ROBO1: variants seen among roughly 807,000 people sequenced by gnomAD.
The protein encoded by ROBO1 is roundabout homolog 1.
Under a neutral mutation model 195.9 loss-of-function variants are expected in ROBO1, and 149 were observed. The ratio of observed to expected loss-of-function variants is 0.76; its 90% confidence interval spans 0.67 to 0.87. The LOEUF (loss-of-function observed/expected upper bound fraction) is 0.87, where lower values mean the gene tolerates loss of function less well. Ranked by LOEUF, ROBO1 falls within the 40% of genes least tolerant of loss-of-function variation. The pLI is 0.00. For synonymous variants in ROBO1, 816 were observed against 733.2 expected, an observed-to-expected ratio of 1.11 and a Z score of -1.82; for missense variants, 1,933 against 2,068.3, an observed-to-expected ratio of 0.93 and a Z score of 1.27.
At chr3:78,996,181 T>C (rs2077360448) in intron 3 of ROBO1, among the ~76,000 whole-genome samples, 1 of 151,966 alleles carries the variant, frequency 6.6e-6, no homozygotes, top group Admixed American at 6.6e-5. Flanking sequence ...TCTTGGGTGA[T>C]GACTTCTCAA....
chr3:79,199,124 C>A (rs748421661), intron 2 of ROBO1, among the ~76,000 whole-genome samples: 24 of 151,776 alleles, frequency 1.6e-4, no homozygotes, highest in Non-Finnish European at 1.6e-4. Flanking sequence ...ATATACCTAT[C>A]TTTTACATAG....
chr3:79,750,070 G>A (rs956780973), intron 1 of ROBO1, among the ~76,000 whole-genome samples: 10 of 152,234 alleles, frequency 6.6e-5, no homozygotes, highest in Non-Finnish European at 1.0e-4. Flanking sequence ...AGGCACAGGG[G>A]TGGAGCTGCC....
At chr3:78,947,585 T>C (rs1031358004) in intron 3 of ROBO1, among the ~76,000 whole-genome samples, 4 of 152,072 alleles carry the variant, frequency 2.6e-5, no homozygotes, top group Admixed American at 6.6e-5. Context: ...AGATCTAAAA[T>C]TGACACCCTA....
intron 2 of ROBO1, among the ~76,000 whole-genome samples, chr3:79,226,786 G>A (rs1475697828): frequency 1.3e-5 from 2 of 151,918 alleles, no homozygotes; most frequent in East Asian, 1.9e-4. Context: ...AACTCAAGCA[G>A]TCCTCCCACC....
chr3:79,349,905 T>C (rs1320537175), intron 2 of ROBO1, among the ~76,000 whole-genome samples: 1 of 152,134 alleles, frequency 6.6e-6, no homozygotes, highest in East Asian at 1.9e-4. Flanking sequence ...GATTCCTATA[T>C]ATGACACGAA....
Position 79,107,340 on chromosome 3 carries a change from A to G in ROBO1, c.172+18116T>C, listed in dbSNP as rs572391716. Among the ~76,000 whole-genome samples, 21 of 151,990 alleles carry G rather than the reference A, an allele frequency of 1.4e-4. No individual in the cohort carries two copies. The South Asian group carries it at 4.3e-3, about 31-fold the overall frequency. On this transcript the variant is annotated intron_variant, in intron 3 of 30. Coordinates refer to ENST00000464233, the MANE Select transcript of ROBO1 (RefSeq NM_002941.4). The stretch of plus-strand genomic sequence containing the variant: ...GATGCGTTTCATATCATTTTATCAC[A>G]CAAGGATTATCTGATAAATTGTGTT...
At chr3:79,487,428 G>C (rs1241311419) in intron 2 of ROBO1, among the ~76,000 whole-genome samples, 1 of 152,104 alleles carries the variant, frequency 6.6e-6, no homozygotes, top group Non-Finnish European at 1.5e-5. Flanking sequence ...TGTTGGTCAG[G>C]CTGGTCTTCA....
intron 2 of ROBO1, among the ~76,000 whole-genome samples, chr3:79,350,225 G>T (rs145249533): frequency 4.7e-4 from 72 of 152,270 alleles, no homozygotes; most frequent in Non-Finnish European, 7.4e-4. Context: ...TCAAGGAAAT[G>T]CAAAGCAAAA....
chr3:78,739,733 T>C (rs1056617999), intron 5 of ROBO1, among the ~76,000 whole-genome samples: 8 of 152,192 alleles, frequency 5.3e-5, no homozygotes, highest in Admixed American at 4.6e-4. Context: ...TAGATTTCAA[T>C]ACTGAACATA....
intron 1 of ROBO1, among the ~76,000 whole-genome samples, chr3:79,757,551 C>T (rs1704474431): frequency 6.7e-6 from 1 of 149,888 alleles, no homozygotes; most frequent in East Asian, 1.9e-4. Flanking sequence ...GAGTGATTCA[C>T]ACTTGTAATG....
intron 20 of ROBO1, among the ~76,000 whole-genome samples, chr3:78,646,486 G>C (rs1175018486): frequency 6.6e-6 from 1 of 150,688 alleles, no homozygotes; most frequent in South Asian, 2.1e-4. Context: ...CAAAACATCA[G>C]TACACTTATT....
intron 2 of ROBO1, among the ~76,000 whole-genome samples, chr3:79,202,489 G>A (rs144968160): frequency 1.8e-3 from 266 of 151,606 alleles, no homozygotes; most frequent in African/African-American, 6.1e-3. Flanking sequence ...ATCAGCGATC[G>A]TGAACAAACT....
At chr3:79,135,962 A>G (rs527662665) in intron 2 of ROBO1, among the ~76,000 whole-genome samples, 1 of 152,292 alleles carries the variant, frequency 6.6e-6, no homozygotes, top group South Asian at 2.1e-4. Flanking sequence ...TTTATGAAAA[A>G]CATTTAAAAA....
chr3:79,198,388 T>C (rs1468710317), intron 2 of ROBO1, among the ~76,000 whole-genome samples: 1 of 152,082 alleles, frequency 6.6e-6, no homozygotes, highest in Non-Finnish European at 1.5e-5. Flanking sequence ...TTCTGTTCCA[T>C]TGGTCTATAT....
At chr3:78,811,606 C>T (rs2084743386) in intron 4 of ROBO1, among the ~76,000 whole-genome samples, 1 of 152,060 alleles carries the variant, frequency 6.6e-6, no homozygotes, top group Admixed American at 6.6e-5. Context: ...TGGCCCCTCT[C>T]CTACTCACCT....
At chr3:78,747,819 A>G (rs760527201) in intron 4 of ROBO1, among the ~76,000 whole-genome samples, 20 of 152,238 alleles carry the variant, frequency 1.3e-4, no homozygotes, top group Non-Finnish European at 2.8e-4. Context: ...AATAGCTCAT[A>G]CAGTAAAATT....
At chr3:79,117,129 G>A (rs1306528220) in intron 3 of ROBO1, among the ~76,000 whole-genome samples, 1 of 151,958 alleles carries the variant, frequency 6.6e-6, no homozygotes, top group Admixed American at 6.6e-5. Flanking sequence ...CATTTTGGGG[G>A]GCCAAGGTGG....
At chr3:78,817,347 CT>C (rs972016830) in intron 4 of ROBO1, among the ~76,000 whole-genome samples, 2 of 151,820 alleles carry the variant, frequency 1.3e-5, no homozygotes, top group African/African-American at 2.4e-5. Context: ...AAGGTATATA[CT>C]TTTTTTTAAG....
intron 1 of ROBO1, among the ~76,000 whole-genome samples, chr3:79,679,001 G>A (rs923238486): frequency 4.6e-5 from 7 of 151,518 alleles, no homozygotes; most frequent in African/African-American, 7.3e-5. Flanking sequence ...TTTTAATTAC[G>A]CAAATAATGT....
Sources: allele counts gnomAD v4.1 joint callset (sites outside exome capture counted in the v4.1 genomes callset), GRCh38; gene constraint gnomAD v4.1.1; transcripts MANE v1.5; gene names NCBI Gene and HGNC (gene_info 2026-07-23, HGNC 2026-07-21).